The following LNP1 variants were observed in gnomAD, a reference collection of about 807,000 sequenced individuals.
LNP1 encodes leukemia NUP98 fusion partner 1.
A neutral mutation model predicts 14.5 loss-of-function variants in LNP1; 12 were observed. The observed-to-expected ratio is 0.83, with a 90% CI of 0.53 to 1.34. The LOEUF (loss-of-function observed/expected upper bound fraction) is 1.34. Among genes scored for constraint, LNP1 ranks in the 40% most tolerant of loss-of-function variants. The pLI is 0.00. For synonymous variants in LNP1, 75 were observed against 71.4 expected, an observed-to-expected ratio of 1.05 and a Z score of -0.26; for missense variants, 198 against 210.9, an observed-to-expected ratio of 0.94 and a Z score of 0.38.
chr3:100,421,716 G>T (rs2148901592), intron 1 of LNP1, among the ~76,000 whole-genome samples: 1 of 152,028 alleles, frequency 6.6e-6, no homozygotes, highest in East Asian at 1.9e-4. Context: ...GAAATTTCTG[G>T]GTCAAAGGAT....
chr3:100,424,502 G>A (rs574090506), intron 1 of LNP1, among the ~76,000 whole-genome samples: 2 of 152,282 alleles, frequency 1.3e-5, no homozygotes, highest in Admixed American at 1.3e-4. Context: ...CAAGGCAAGT[G>A]TTTATTATGG....
At chr3:100,402,788 A>C (rs977272608) in intron 1 of LNP1, among the ~76,000 whole-genome samples, 3 of 152,108 alleles carry the variant, frequency 2.0e-5, no homozygotes, top group Non-Finnish European at 4.4e-5. Context: ...TAAGCAATAC[A>C]CTGTTACGGT....
chr3:100,412,146 T>C (rs1462700575), intron 1 of LNP1, among the ~76,000 whole-genome samples: 5 of 152,156 alleles, frequency 3.3e-5, no homozygotes, highest in African/African-American at 1.2e-4. Context: ...ATGTGCTAGA[T>C]CAAAACACGG....
At chr3:100,416,888 C>T (rs954058289) in intron 1 of LNP1, among the ~76,000 whole-genome samples, 2 of 151,954 alleles carry the variant, frequency 1.3e-5, no homozygotes, top group African/African-American at 4.8e-5. Context: ...CCCCTTTCCC[C>T]TAACCCAGCA....
intron 1 of LNP1, among the ~76,000 whole-genome samples, chr3:100,403,793 G>C (rs957309176): frequency 1.3e-5 from 2 of 152,082 alleles, no homozygotes; most frequent in Non-Finnish European, 2.9e-5. Context: ...TGTGACCATG[G>C]GCAACTCTGC....
At chr3:100,426,304 G>A (rs1432378649) in intron 1 of LNP1, among the ~76,000 whole-genome samples, 1 of 152,200 alleles carries the variant, frequency 6.6e-6, no homozygotes, top group Non-Finnish European at 1.5e-5. Context: ...GCCTACGCCT[G>A]TCTTCAGAGA....
intron 1 of LNP1, among the ~76,000 whole-genome samples, chr3:100,426,758 A>G (rs1182463517): frequency 2.0e-5 from 3 of 152,188 alleles, no homozygotes; most frequent in Non-Finnish European, 4.4e-5. Flanking sequence ...TCAGTACTTA[A>G]ATACTCAGAG....
At chr3:100,404,941 C>G (rs1044456233) in intron 1 of LNP1, among the ~76,000 whole-genome samples, 1 of 151,830 alleles carries the variant, frequency 6.6e-6, no homozygotes, top group African/African-American at 2.4e-5. Context: ...TACTGGCGCC[C>G]GCCACCACAC....
At chr3:100,419,966 G>A (rs1707128352) in intron 1 of LNP1, among the ~76,000 whole-genome samples, 2 of 152,114 alleles carry the variant, frequency 1.3e-5, no homozygotes, top group South Asian at 2.1e-4. Context: ...TTTCAAAGTG[G>A]CTGTACCTTT....
chr3:100,423,999 C>G (rs1358527399), intron 1 of LNP1, among the ~76,000 whole-genome samples: 1 of 152,196 alleles, frequency 6.6e-6, no homozygotes, highest in Non-Finnish European at 1.5e-5. Flanking sequence ...AGACTTGACA[C>G]TTTCTGCTAG....
chr3:100,411,239 G>A (rs1262256673), intron 1 of LNP1, among the ~76,000 whole-genome samples: 1 of 152,152 alleles, frequency 6.6e-6, no homozygotes, highest in African/African-American at 2.4e-5. Context: ...CCTATGCCTT[G>A]TCCCATCATA....
At chr3:100,412,208 C>A (rs965666856) in intron 1 of LNP1, among the ~76,000 whole-genome samples, 4 of 152,200 alleles carry the variant, frequency 2.6e-5, no homozygotes, top group Non-Finnish European at 5.9e-5. Context: ...AAACGAGAAA[C>A]CTTGCTTTGT....
Position 100,451,728 on chromosome 3 carries a change from C to T in LNP1, c.166C>T (p.Leu56Phe), listed in dbSNP as rs952236701. 7 of 895,496 alleles carry T rather than the reference C, an allele frequency of 7.8e-6. No individual in the cohort carries two copies. The highest frequency in any genetic ancestry group is 1.0e-5 in the Non-Finnish European group (7 of 686,602). 55.5% of individuals were successfully genotyped at this position (895,496 alleles called of 1,614,324 possible). The change falls in exon 3 of 4, where the codon CTT (leucine) becomes TTT (phenylalanine). Residue 56 changes from leucine to phenylalanine, a missense_variant. Coordinates refer to ENST00000383693, the MANE Select transcript of LNP1 (RefSeq NM_001085451.2). Reference protein sequence around the residue: ...KTSLPCPLPVLPRIPSSDCHP... With the variant: ...KTSLPCPLPVFPRIPSSDCHP... Reference sequence around the variant, plus strand: ...CATTCTGTATTCTCAGCTTCCTGTGCTTCCCAGAATTCCATCATCTGACTG... The same window carrying T: ...CATTCTGTATTCTCAGCTTCCTGTGTTTCCCAGAATTCCATCATCTGACTG...
chr3:100,430,446 A>G (rs1707232345), intron 2 of LNP1, among the ~76,000 whole-genome samples: 1 of 152,190 alleles, frequency 6.6e-6, no homozygotes, highest in South Asian at 2.1e-4. Context: ...AGCACCTGAT[A>G]TCTGAGGAAC....
chr3:100,450,267 G>A (rs1707425969), intron 2 of LNP1, among the ~76,000 whole-genome samples: 1 of 151,194 alleles, frequency 6.6e-6, no homozygotes, highest in African/African-American at 2.4e-5. Flanking sequence ...GTTAAACGAT[G>A]GCACAACTTA....
intron 2 of LNP1, among the ~76,000 whole-genome samples, chr3:100,445,629 A>C (rs1010668694): frequency 6.6e-6 from 1 of 152,210 alleles, no homozygotes; most frequent in African/African-American, 2.4e-5. Context: ...AGCAAACCAA[A>C]ACCTAATAGT....
chr3:100,431,763 CG>C (rs1157591936), intron 2 of LNP1, among the ~76,000 whole-genome samples: 2 of 143,444 alleles, frequency 1.4e-5, no homozygotes, highest in Admixed American at 1.4e-4. Context: ...GGGCCCAAGG[CG>C]GGAGGATCAC....
At chr3:100,416,490 C>T (rs1210099596) in intron 1 of LNP1, among the ~76,000 whole-genome samples, 1 of 151,854 alleles carries the variant, frequency 6.6e-6, no homozygotes, top group African/African-American at 2.4e-5. Flanking sequence ...TGAGAATTGG[C>T]ATTTCAAGGC....
intron 2 of LNP1, among the ~76,000 whole-genome samples, chr3:100,445,270 C>A (rs1446135564): frequency 6.6e-6 from 1 of 151,984 alleles, no homozygotes; most frequent in Admixed American, 6.5e-5. Flanking sequence ...GACTCTCTCT[C>A]AAAAAAAGTA....
Sources: gnomAD v4.1 joint callset for allele counts (sites outside exome capture counted in the v4.1 genomes callset) on GRCh38, gnomAD v4.1.1 for gene constraint, MANE v1.5 for transcripts, NCBI Gene and HGNC (gene_info 2026-07-23, HGNC 2026-07-21) for gene names.